The following MACF1 variants were observed in gnomAD, a reference collection of about 807,000 sequenced individuals.
The protein encoded by MACF1 is microtubule-actin cross-linking factor 1.
MACF1 carries 193 observed loss-of-function variants against 854.8 expected under a neutral mutation model. That is an observed-to-expected ratio of 0.23 (90% confidence interval 0.20 to 0.25). MACF1 has a LOEUF of 0.25. Among genes scored for constraint, MACF1 ranks in the 10% least tolerant of loss-of-function variants. The pLI, the probability that MACF1 is intolerant of heterozygous loss-of-function variation, is 1.00. For synonymous variants in MACF1, 3,185 were observed against 3,226.7 expected (o/e 0.99, Z 0.44); for missense variants, 7,722 against 8,929.1 (o/e 0.86, Z 5.45).
intron 2 of MACF1, among the ~76,000 whole-genome samples, chr1:39,153,226 C>A (rs1168902408): frequency 6.6e-6 from 1 of 152,118 alleles, no homozygotes; most frequent in East Asian, 1.9e-4. Flanking sequence ...TGATCTTTTC[C>A]TAGGTCCTCA....
intron 2 of MACF1, among the ~76,000 whole-genome samples, chr1:39,189,753 A>G (rs1644221423): frequency 6.6e-6 from 1 of 152,098 alleles, no homozygotes; most frequent in Non-Finnish European, 1.5e-5. Flanking sequence ...AGTTCCATTC[A>G]CTGAGTTCTT....
Position 39,447,732 on chromosome 1 carries a change from T to C in MACF1, c.19802T>C (p.Ile6601Thr). ...GTAAATGCTCATCGAGACCAGATCATTGAGCTGGATCAAACTGGGAATCAA... is the reference window on the plus strand; with the variant it reads ...GTAAATGCTCATCGAGACCAGATCACTGAGCTGGATCAAACTGGGAATCAA... ...NEVNAHRDQI[I>T]ELDQTGNQLK... is the part of the protein sequence containing the mutation. Residue 6601 changes from isoleucine (I) to threonine (T), a missense_variant, in exon 82 of 101, where the codon ATT (isoleucine) becomes ACT (threonine). Physicochemically the swap from Ile to Thr is moderately conservative, Grantham distance 89 (BLOSUM62 -1). Around this residue, in one of 15 missense-constraint regions of MACF1, gnomAD observed 729 missense variants for 900.5 expected, o/e 0.81. Coordinates refer to ENST00000564288, the MANE Select transcript of MACF1 (RefSeq NM_001394062.1). The C allele has an allele frequency of 6.2e-7, 1 of 1,614,168 alleles. No individual in the cohort carries two copies. The highest frequency in any genetic ancestry group is 1.7e-5 in the Admixed American group (1 of 60,012).
chr1:39,339,916 G>A (rs534073865), intron 38 of MACF1, among the ~76,000 whole-genome samples: 31 of 152,152 alleles, frequency 2.0e-4, no homozygotes, highest in African/African-American at 7.2e-4. Flanking sequence ...TGGCTGAACC[G>A]GGGCTGAGGA....
intron 2 of MACF1, among the ~76,000 whole-genome samples, chr1:39,121,658 G>A (rs1642717188): frequency 6.6e-6 from 1 of 152,154 alleles, no homozygotes; most frequent in Non-Finnish European, 1.5e-5. Flanking sequence ...ATTTTGGCCA[G>A]GCTAGTCTCA....
chr1:39,305,379 C>G (rs1414533331), intron 23 of MACF1, among the ~76,000 whole-genome samples: 3 of 152,020 alleles, frequency 2.0e-5, no homozygotes, highest in Non-Finnish European at 2.9e-5. Context: ...TCTCCTTTCC[C>G]AAAGTTCCAC....
At chr1:39,365,765 T>G (rs1648650565) in intron 49 of MACF1, among the ~76,000 whole-genome samples, 1 of 151,904 alleles carries the variant, frequency 6.6e-6, no homozygotes, top group Non-Finnish European at 1.5e-5. Flanking sequence ...AACCTCTGCC[T>G]TCCAGGTTCA....
chr1:39,453,652 C>A, intron 87 of MACF1, 55 bp from the exon 88 acceptor site: 1 of 1,506,616 alleles, frequency 6.6e-7, no homozygotes, highest in Non-Finnish European at 9.2e-7. Flanking sequence ...TGTAAACTAA[C>A]AGTGCTGCTA....
At chr1:39,470,692 T>G (rs1432116672) in intron 97 of MACF1, among the ~76,000 whole-genome samples, 1 of 152,200 alleles carries the variant, frequency 6.6e-6, no homozygotes, top group East Asian at 1.9e-4. Context: ...AAGTATTTAG[T>G]TTTAGAATTT....
chr1:39,409,015 G>GGGCGGGGCGGCGC lies in MACF1; in HGVS notation c.15817-13358_15817-13346dup, dbSNP rs1316058727. On this transcript the variant is annotated intron_variant, in intron 58 of 100. Coordinates refer to ENST00000564288, the MANE Select transcript of MACF1 (RefSeq NM_001394062.1). The surrounding 1 kb of genome is among the most constrained non-coding windows in gnomAD (Gnocchi z 4.2). The stretch of plus-strand genomic sequence containing the variant: ...CTCCCTGGCTTCCAGGGGGCTGCCC[G>GGGCGGGGCGGCGC]GGCGGGGCGGCGCAGCGCGGCGGCG... 6.6e-6 allele frequency among the ~76,000 whole-genome samples: 1 copy of GGGCGGGGCGGCGC among 151,100 alleles called. No individual in the cohort carries two copies. Among genetic ancestry groups the GGGCGGGGCGGCGC allele is most frequent in the Non-Finnish European group, 1.5e-5 (1 of 67,690 alleles).
intron 67 of MACF1, 77 bp downstream of exon 67, chr1:39,432,731 T>A: frequency 7.1e-7 from 1 of 1,410,180 alleles, no homozygotes. Flanking sequence ...GACTATCCCA[T>A]GTCAAGTGGA....
At chr1:39,289,725 T>TTG (rs1645733985) in intron 15 of MACF1, among the ~76,000 whole-genome samples, 4 of 132,146 alleles carry the variant, frequency 3.0e-5, no homozygotes, top group Admixed American at 1.6e-4. Flanking sequence ...TTTTTTTTTT[T>TTG]GAGACAGAGT....
At chr1:39,206,727 A>G (rs551917330) in intron 1 of MACF1, 11 of 152,290 alleles carry the variant, frequency 7.2e-5, no homozygotes, top group South Asian at 2.1e-4. Context: ...TCATTTTTCA[A>G]TTGGAGGCTA....
intron 2 of MACF1, among the ~76,000 whole-genome samples, chr1:39,167,953 C>T (rs905819811): frequency 6.6e-6 from 1 of 152,034 alleles, no homozygotes; most frequent in African/African-American, 2.4e-5. Context: ...TGGAGATCCA[C>T]TTTACCCCCA....
chr1:39,473,911 G>A (rs1428703862), intron 97 of MACF1, among the ~76,000 whole-genome samples: 1 of 152,196 alleles, frequency 6.6e-6, no homozygotes, highest in African/African-American at 2.4e-5. Context: ...GAGAGAGCAA[G>A]AGGGGAAGAG....
At chr1:39,100,127 G>T (rs747327594) in intron 2 of MACF1, among the ~76,000 whole-genome samples, 13 of 152,128 alleles carry the variant, frequency 8.5e-5, no homozygotes, top group Non-Finnish European at 1.5e-4. Flanking sequence ...ATTGGTGGGC[G>T]CACTGAGGCA....
At chr1:39,229,468 T>A (rs928311629) in intron 1 of MACF1, among the ~76,000 whole-genome samples, 5 of 152,196 alleles carry the variant, frequency 3.3e-5, no homozygotes, top group Non-Finnish European at 7.3e-5. Context: ...AGAAAATAAC[T>A]GGGCTTGGGG....
intron 2 of MACF1, among the ~76,000 whole-genome samples, chr1:39,145,551 C>G (rs1181264181): frequency 6.6e-6 from 1 of 152,090 alleles, no homozygotes; most frequent in Admixed American, 6.5e-5. Context: ...ACTACCTCAA[C>G]AGCCTTTCTT....
intron 2 of MACF1, among the ~76,000 whole-genome samples, chr1:39,117,276 G>A (rs904628594): frequency 1.3e-5 from 2 of 152,018 alleles, no homozygotes; most frequent in Admixed American, 6.6e-5. Flanking sequence ...ATTTCCTAAT[G>A]TGTTAGGGCC....
rs201649792 is a variant in MACF1, at chr1:39,237,824, G to GT, written c.171+6587dup. ...TAGCAAAAACTGTTGAAACAAGGCA[G>GT]TTTTTTCCCCATTATTTCTTACGTT... is the stretch of plus-strand genomic sequence containing the variant. On this transcript the variant is annotated intron_variant, in intron 2 of 100. Transcript: ENST00000564288. Among the ~76,000 whole-genome samples, 763 of 151,860 alleles carry GT rather than the reference G, an allele frequency of 5.0e-3. 9 individuals carry two copies. Among genetic ancestry groups the GT allele is most frequent in the African/African-American group, 0.017 (717 of 41,396 alleles).
Sources: gnomAD v4.1 joint callset for allele counts (sites outside exome capture counted in the v4.1 genomes callset) on GRCh38, gnomAD v4.1.1 for gene constraint, gnomAD v4.1.1 regional missense constraint, Gnocchi (gnomAD v3.1) non-coding constraint, MANE v1.5 for transcripts, NCBI Gene and HGNC (gene_info 2026-07-23, HGNC 2026-07-21) for gene names.